DOCK2: variants seen among roughly 807,000 people sequenced by gnomAD.
DOCK2 encodes the protein dedicator of cytokinesis 2.
In DOCK2, 87 loss-of-function variants were observed where a neutral mutation model predicts 248.9. The observed-to-expected ratio is 0.35, with a 90% CI of 0.29 to 0.42. The LOEUF is 0.42. Among genes scored for constraint, DOCK2 ranks in the 10% least tolerant of loss-of-function variants. The pLI is 1.00. For synonymous variants in DOCK2, 805 were observed against 821.6 expected (o/e 0.98, Z 0.35); for missense variants, 1,747 against 2,300.2 (o/e 0.76, Z 4.92).
At chr5:169,875,302 C>T in intron 27 of DOCK2, 1 of 456,692 alleles carries the variant, frequency 2.2e-6, no homozygotes, top group South Asian at 1.5e-5. Context: ...TGAAACCCAG[C>T]AACAAGTTTC....
At chr5:169,993,120 C>T (rs6555880) in intron 29 of DOCK2, among the ~76,000 whole-genome samples, 52,922 of 152,116 alleles carry the variant, frequency 0.35, 9,689 homozygotes, top group Middle Eastern at 0.43. Context: ...TATAATGTGA[C>T]AGGCACTCAA....
chr5:169,824,892 T>C (rs1367271770), intron 26 of DOCK2, among the ~76,000 whole-genome samples: 1 of 152,056 alleles, frequency 6.6e-6, no homozygotes, highest in African/African-American at 2.4e-5. Context: ...AGGGCTAATA[T>C]CTAGAATCTA....
chr5:169,669,666 GCATT>G (rs111939132), intron 3 of DOCK2, among the ~76,000 whole-genome samples: 3,003 of 152,222 alleles, frequency 0.02, 102 homozygotes, highest in African/African-American at 0.067. Flanking sequence ...GTTGTTTGCA[GCATT>G]CAGTCATCTC....
intron 34 of DOCK2, among the ~76,000 whole-genome samples, chr5:170,032,153 A>G (rs1049195149): frequency 6.6e-6 from 1 of 151,904 alleles, no homozygotes; most frequent in Admixed American, 6.6e-5. Context: ...CAGCCTCCCA[A>G]GTAGCTGGGA....
chr5:169,844,405 A>G (rs553732091), intron 27 of DOCK2, among the ~76,000 whole-genome samples: 1 of 152,300 alleles, frequency 6.6e-6, no homozygotes, highest in East Asian at 1.9e-4. Context: ...TTTCCTTGGT[A>G]GATTCTCAGC....
chr5:169,899,763 A>G (rs1773814568), intron 27 of DOCK2, among the ~76,000 whole-genome samples: 1 of 152,228 alleles, frequency 6.6e-6, no homozygotes, highest in Admixed American at 6.5e-5. Context: ...TGCATAACAC[A>G]TGAATTTCCC....
rs78034308 is a variant in DOCK2 at position 169,736,440 on chromosome 5, G to A, written c.2268-10956G>A. Among the ~76,000 whole-genome samples the A allele has an allele frequency of 2.8e-3, 423 of 152,210 alleles. 3 individuals carry two copies. The highest frequency in any genetic ancestry group is 9.8e-3 in the African/African-American group (407 of 41,526). On this transcript the variant is annotated intron_variant, in intron 22 of 51. Transcript: ENST00000520908. ...TGTAATATTCTAGTGCCTCTCCATT[G>A]CAGTAAGTGTTAGAATGTGACCTCT... is the stretch of plus-strand genomic sequence containing the variant.
chr5:169,985,746 A>G (rs1778052394), intron 28 of DOCK2, 82 bp from the exon 29 acceptor site: 2 of 1,185,426 alleles, frequency 1.7e-6, no homozygotes, highest in African/African-American at 3.1e-5. Flanking sequence ...CCAAAATATA[A>G]TAGCAAAAAA....
chr5:169,653,117 C>T (rs1757896298), intron 1 of DOCK2, among the ~76,000 whole-genome samples: 1 of 152,172 alleles, frequency 6.6e-6, no homozygotes, highest in South Asian at 2.1e-4. Context: ...AGACTTCTCA[C>T]TTGCAAGGAG....
chr5:169,747,265 C>A, intron 22 of DOCK2, 131 bp from the exon 23 acceptor site: 1 of 702,056 alleles, frequency 1.4e-6, no homozygotes. Flanking sequence ...TCTGCAGAAT[C>A]CTCTCCTCCT....
chr5:169,893,383 C>G (rs1251191018), intron 27 of DOCK2, among the ~76,000 whole-genome samples: 1 of 151,994 alleles, frequency 6.6e-6, no homozygotes, highest in East Asian at 1.9e-4. Flanking sequence ...AATATTATCT[C>G]TGTATTTCTC....
At chr5:170,033,699 G>A (rs1307753022) in intron 34 of DOCK2, among the ~76,000 whole-genome samples, 1 of 152,222 alleles carries the variant, frequency 6.6e-6, no homozygotes, top group African/African-American at 2.4e-5. Flanking sequence ...ATTGTGACAG[G>A]AGGTTAAATG....
intron 27 of DOCK2, among the ~76,000 whole-genome samples, chr5:169,876,418 C>T (rs1176715377): frequency 6.6e-6 from 1 of 152,202 alleles, no homozygotes; most frequent in Non-Finnish European, 1.5e-5. Context: ...AAAGAGATCA[C>T]TGGGACAATT....
chr5:169,648,780 T>A (rs1757627290), intron 1 of DOCK2, among the ~76,000 whole-genome samples: 1 of 152,212 alleles, frequency 6.6e-6, no homozygotes, highest in Non-Finnish European at 1.5e-5. Flanking sequence ...GCCCTTGGAA[T>A]AGTGTCTGGT....
intron 23 of DOCK2, among the ~76,000 whole-genome samples, chr5:169,755,163 C>G (rs1203436574): frequency 6.6e-6 from 1 of 151,768 alleles, no homozygotes; most frequent in African/African-American, 2.4e-5. Flanking sequence ...TTAGGCTGGT[C>G]TTGAAACCCT....
intron 23 of DOCK2, among the ~76,000 whole-genome samples, chr5:169,755,103 A>T (rs1314773868): frequency 1.3e-5 from 2 of 151,020 alleles, no homozygotes; most frequent in Non-Finnish European, 3.0e-5. Context: ...ATGCCTGGGT[A>T]TTTTTTTTAC....
At chr5:170,078,801 T>C (rs978517940) in intron 48 of DOCK2, among the ~76,000 whole-genome samples, 174 bp from the exon 49 acceptor site, 2 of 152,224 alleles carry the variant, frequency 1.3e-5, no homozygotes, top group African/African-American at 4.8e-5. Flanking sequence ...TTTAACTGTT[T>C]GTGCATTGAG....
chr5:169,895,734 T>C (rs1168857661), intron 27 of DOCK2, among the ~76,000 whole-genome samples: 2 of 152,166 alleles, frequency 1.3e-5, no homozygotes, highest in Non-Finnish European at 2.9e-5. Flanking sequence ...AAAGAGTTAT[T>C]CATGCACTTA....
At chr5:169,669,451 T>A (rs1758918646) in intron 3 of DOCK2, 123 bp downstream of exon 3, 1 of 1,057,648 alleles carries the variant, frequency 9.5e-7, no homozygotes, top group Non-Finnish European at 1.4e-6. Context: ...CTCCCTCCTG[T>A]GCCCTGTGCT....
Sources: allele counts gnomAD v4.1 joint callset (sites outside exome capture counted in the v4.1 genomes callset), GRCh38; gene constraint gnomAD v4.1.1; transcripts MANE v1.5; gene names NCBI Gene and HGNC (gene_info 2026-07-23, HGNC 2026-07-21).